CADPS2: variants seen among roughly 807,000 people sequenced by gnomAD.
CADPS2 encodes the protein calcium dependent secretion activator 2.
CADPS2 carries 93 observed loss-of-function variants against 172.5 expected under a neutral mutation model. The observed-to-expected ratio is 0.54, with a 90% CI of 0.46 to 0.64. The LOEUF (loss-of-function observed/expected upper bound fraction) is 0.64, where lower values mean the gene tolerates loss of function less well. Among genes scored for constraint, CADPS2 ranks in the 30% least tolerant of loss-of-function variants. The pLI is 0.00. For synonymous variants in CADPS2, 546 were observed against 555.2 expected, an observed-to-expected ratio of 0.98 and a Z score of 0.23; for missense variants, 1,420 against 1,565.9, an observed-to-expected ratio of 0.91 and a Z score of 1.57.
chr7:122,644,688 T>C (rs2078107396), intron 3 of CADPS2, among the ~76,000 whole-genome samples: 1 of 152,148 alleles, frequency 6.6e-6, no homozygotes, highest in African/African-American at 2.4e-5. Context: ...TCCTTTTTCT[T>C]AATCATTGAG....
At chr7:122,649,100 C>T (rs1388298277) in intron 3 of CADPS2, among the ~76,000 whole-genome samples, 1 of 151,424 alleles carries the variant, frequency 6.6e-6, no homozygotes, top group Admixed American at 6.6e-5. Context: ...ATTCCAAGCT[C>T]TTTGATCTAG....
intron 2 of CADPS2, among the ~76,000 whole-genome samples, chr7:122,718,675 G>C (rs574696557): frequency 9.2e-5 from 14 of 152,066 alleles, no homozygotes; most frequent in Non-Finnish European, 1.5e-4. Flanking sequence ...CCGTGTTAAG[G>C]CTTTTATAAT....
intron 27 of CADPS2, among the ~76,000 whole-genome samples, chr7:122,355,882 C>G (rs1020757124): frequency 2.0e-5 from 3 of 152,176 alleles, no homozygotes; most frequent in African/African-American, 7.2e-5. Context: ...AATGAATTAA[C>G]AGTAAGGTAT....
At chr7:122,654,843 A>G (rs2079555606) in intron 3 of CADPS2, among the ~76,000 whole-genome samples, 1 of 152,198 alleles carries the variant, frequency 6.6e-6, no homozygotes, top group African/African-American at 2.4e-5. Context: ...TAAATGGAAA[A>G]CTTTCTGGAA....
intron 1 of CADPS2, among the ~76,000 whole-genome samples, chr7:122,864,393 T>C (rs552733132): frequency 4.0e-5 from 6 of 151,806 alleles, no homozygotes; most frequent in African/African-American, 1.2e-4. Context: ...GTCAGGAGGA[T>C]TGTTTGAGCC....
chr7:122,817,197 A>T (rs938848880), intron 1 of CADPS2, among the ~76,000 whole-genome samples: 4 of 152,298 alleles, frequency 2.6e-5, no homozygotes, highest in Admixed American at 6.5e-5. Context: ...TGTGACTCGG[A>T]TGGGGGGACC....
At chr7:122,627,800 C>T (rs2076223470) in intron 4 of CADPS2, among the ~76,000 whole-genome samples, 1 of 152,148 alleles carries the variant, frequency 6.6e-6, no homozygotes, top group Non-Finnish European at 1.5e-5. Context: ...TCTTTATTAG[C>T]TTTAGGTCTC....
chr7:122,518,637 A>G (rs78999004), intron 8 of CADPS2, among the ~76,000 whole-genome samples: 41 of 152,066 alleles, frequency 2.7e-4, no homozygotes, highest in African/African-American at 8.9e-4. Flanking sequence ...TTCTCCCTCA[A>G]TATTTTGTAA....
chr7:122,581,283 T>C lies in CADPS2; in HGVS notation c.1231A>G (p.Thr411Ala), dbSNP rs1358560776. Reference protein sequence around the residue: ...QAEASRPQWGTQGDFTTTHPR... With the variant: ...QAEASRPQWGAQGDFTTTHPR... ...TGGGTGGTGGTGAAATCTCCTTGAG[T>C]CCCCCATCTGTAATGAAGTAAAAAA... The change falls in exon 7 of 30, where the codon ACT becomes GCT. Residue 411 changes from threonine (T) to alanine (A), a missense_variant. Physicochemically the swap from Thr to Ala is moderately conservative, Grantham distance 58 (BLOSUM62 0). Transcript: ENST00000449022. The C allele has an allele frequency of 6.2e-7, 1 of 1,612,000 alleles. No homozygotes were observed. Among genetic ancestry groups the C allele is most frequent in the Non-Finnish European group, 8.5e-7 (1 of 1,178,486 alleles).
intron 16 of CADPS2, among the ~76,000 whole-genome samples, chr7:122,440,668 C>T (rs528199522): frequency 6.6e-6 from 1 of 152,156 alleles, no homozygotes; most frequent in South Asian, 2.1e-4. Flanking sequence ...AATAGAGATG[C>T]TAATAAACAA....
chr7:122,586,129 T>C (rs951072101), intron 6 of CADPS2, among the ~76,000 whole-genome samples: 1 of 151,918 alleles, frequency 6.6e-6, no homozygotes, highest in Non-Finnish European at 1.5e-5. Context: ...AAACCATGCA[T>C]GATATAAAGT....
intron 25 of CADPS2, among the ~76,000 whole-genome samples, chr7:122,365,138 G>A (rs1181726262): frequency 6.6e-6 from 1 of 152,202 alleles, no homozygotes; most frequent in East Asian, 1.9e-4. Context: ...GCACGAAGCA[G>A]CATTGGCTTA....
intron 12 of CADPS2, among the ~76,000 whole-genome samples, chr7:122,480,307 T>TC (rs1554558968): frequency 6.6e-6 from 1 of 151,898 alleles, no homozygotes; most frequent in Non-Finnish European, 1.5e-5. Context: ...ATTTTTTTTT[T>TC]ATTTTTCCTA....
At chr7:122,480,995 C>A in intron 11 of CADPS2, 135 bp from the exon 12 acceptor site, 2 of 760,654 alleles carry the variant, frequency 2.6e-6, no homozygotes, top group East Asian at 3.1e-5. Context: ...TTCTAAAAGA[C>A]CATCAGGAAA....
At chr7:122,602,383 A>G (rs1245107770) in intron 6 of CADPS2, among the ~76,000 whole-genome samples, 2 of 152,052 alleles carry the variant, frequency 1.3e-5, no homozygotes, top group Non-Finnish European at 2.9e-5. Flanking sequence ...ACGTGTATAT[A>G]CAGAAACACA....
rs973509838 is a variant in CADPS2, at chr7:122,491,426, C to T, written c.1543-6G>A. The stretch of plus-strand genomic sequence containing the variant: ...GCAAAGGTATATTGGCTAACCTGCT[C>T]GAGAAAAAAAAAGTTTACAGATTAG... On this transcript the variant is annotated splice_region_variant and splice_polypyrimidine_tract_variant and intron_variant, in intron 9 of 29. Transcript: ENST00000449022. The T allele has an allele frequency of 7.8e-6, 12 of 1,535,616 alleles. No homozygotes were observed. The highest frequency in any genetic ancestry group is 3.7e-5 in the South Asian group (3 of 80,536).
At chr7:122,356,950 T>C (rs1411393757) in intron 27 of CADPS2, among the ~76,000 whole-genome samples, 7 of 152,176 alleles carry the variant, frequency 4.6e-5, no homozygotes, top group African/African-American at 1.4e-4. Flanking sequence ...GAGAACAAAT[T>C]TGAGTGCTAT....
chr7:122,499,689 CTA>C (rs1178609534), intron 9 of CADPS2, among the ~76,000 whole-genome samples: 2 of 152,088 alleles, frequency 1.3e-5, no homozygotes, highest in Admixed American at 6.5e-5. Flanking sequence ...AAAGAAGAAA[CTA>C]TGACGATGGG....
At chr7:122,849,494 A>G (rs1344895112) in intron 1 of CADPS2, among the ~76,000 whole-genome samples, 1 of 152,168 alleles carries the variant, frequency 6.6e-6, no homozygotes, top group Non-Finnish European at 1.5e-5. Context: ...AAGTTCATAA[A>G]CTATGGAGCT....
Sources: gnomAD v4.1 joint callset for allele counts (sites outside exome capture counted in the v4.1 genomes callset) on GRCh38, gnomAD v4.1.1 for gene constraint, MANE v1.5 for transcripts, NCBI Gene and HGNC (gene_info 2026-07-23, HGNC 2026-07-21) for gene names.